The following CFAP20DC variants were observed in gnomAD, a reference collection of about 807,000 sequenced individuals.
The protein encoded by CFAP20DC is protein CFAP20DC.
A neutral mutation model predicts 101.7 loss-of-function variants in CFAP20DC; 84 were observed. That is an observed-to-expected ratio of 0.83 (90% confidence interval 0.69 to 0.99). CFAP20DC has a LOEUF of 0.99. Ranked by LOEUF, CFAP20DC falls within the 50% of genes least tolerant of loss-of-function variation. CFAP20DC has a pLI of 0.00. For missense variants in CFAP20DC, 1,007 were observed against 970.3 expected (o/e 1.04, Z -0.50); for synonymous variants, 359 against 351.2 (o/e 1.02, Z -0.25).
Position 58,759,683 on chromosome 3 carries a change from C to G in CFAP20DC, c.2238-5820G>C, listed in dbSNP as rs934448562. On this transcript the variant is annotated intron_variant, in intron 15 of 16. Coordinates refer to ENST00000482387, the MANE Select transcript of CFAP20DC (RefSeq NM_001394063.1). ...ATGGTTTTAGGTCTAACGTTTAAGT[C>G]TTTAACCCATCTTGAATTAATTTTT... 3.3e-5 allele frequency among the ~76,000 whole-genome samples: 5 copies of G among 152,190 alleles called. No homozygotes were observed. The East Asian group carries it at 9.6e-4, about 29-fold the overall frequency.
chr3:58,879,019 A>C (rs78751868), intron 7 of CFAP20DC, among the ~76,000 whole-genome samples: 5,265 of 152,014 alleles, frequency 0.035, 306 homozygotes, highest in African/African-American at 0.12. Context: ...GAAAAAAAAA[A>C]AAAACAAAAG....
chr3:58,935,509 C>T (rs1426135953), intron 5 of CFAP20DC, among the ~76,000 whole-genome samples: 2 of 151,944 alleles, frequency 1.3e-5, no homozygotes, highest in Admixed American at 6.5e-5. Flanking sequence ...TATCGCGCTA[C>T]CTGACTTCAA....
At chr3:58,779,785 A>G (rs1222231003) in intron 15 of CFAP20DC, among the ~76,000 whole-genome samples, 12 of 152,186 alleles carry the variant, frequency 7.9e-5, no homozygotes. Flanking sequence ...GGTTAGAAAA[A>G]TCTATTTAGC....
chr3:58,767,968 C>T (rs1377460468), intron 15 of CFAP20DC, among the ~76,000 whole-genome samples: 1 of 152,136 alleles, frequency 6.6e-6, no homozygotes, highest in Non-Finnish European at 1.5e-5. Flanking sequence ...ATCCATTTTC[C>T]TTTTACTTGT....
Position 58,970,525 on chromosome 3 carries a change from A to G in CFAP20DC, c.279-32763T>C, listed in dbSNP as rs537065541. The stretch of plus-strand genomic sequence containing the variant: ...CCCTCAGTGCCTCCAGAAGGAACCA[A>G]TCCTGCCGAAACCTTGATTTTGGAC... On this transcript the variant is annotated intron_variant, in intron 4 of 16. Transcript: ENST00000482387. The G allele has an allele frequency of 1.2e-4, 19 of 152,302 alleles. No individual in the cohort carries two copies. In the East Asian group the frequency reaches 1.7e-3, roughly 14 times the overall value. 9.4% of individuals were successfully genotyped at this position (152,302 alleles called of 1,614,324 possible). A position where few individuals can be genotyped will look rare whatever the true frequency, so the allele number is the denominator to read the frequency against.
intron 4 of CFAP20DC, among the ~76,000 whole-genome samples, chr3:58,973,103 C>T (rs1428993005): frequency 6.6e-6 from 1 of 152,092 alleles, no homozygotes; most frequent in East Asian, 1.9e-4. Context: ...AAATTCTTTT[C>T]CATGGGGATT....
chr3:58,810,403 G>C (rs573482627), intron 14 of CFAP20DC, among the ~76,000 whole-genome samples: 1 of 152,016 alleles, frequency 6.6e-6, no homozygotes, highest in Non-Finnish European at 1.5e-5. Flanking sequence ...TTCAATATAC[G>C]CAAATCAATA....
chr3:58,830,926 T>C (rs970242856), intron 14 of CFAP20DC, among the ~76,000 whole-genome samples: 12 of 152,198 alleles, frequency 7.9e-5, no homozygotes, highest in East Asian at 5.8e-4. Flanking sequence ...TCGACTGTTG[T>C]TTACGCTCTG....
chr3:58,743,769 A>T (rs2068011355), intron 16 of CFAP20DC, among the ~76,000 whole-genome samples: 1 of 152,228 alleles, frequency 6.6e-6, no homozygotes, highest in Non-Finnish European at 1.5e-5. Context: ...CCAAAATCAG[A>T]CCAAGCTGGT....
chr3:58,903,376 A>C (rs1409535636), intron 6 of CFAP20DC, among the ~76,000 whole-genome samples: 1 of 152,166 alleles, frequency 6.6e-6, no homozygotes, highest in Non-Finnish European at 1.5e-5. Flanking sequence ...GATATACAGA[A>C]TCATCTGTTG....
chr3:58,822,667 T>C (rs2075764821), intron 14 of CFAP20DC, among the ~76,000 whole-genome samples: 1 of 151,236 alleles, frequency 6.6e-6, no homozygotes, highest in Non-Finnish European at 1.5e-5. Flanking sequence ...AACAAAAAAG[T>C]AACCAATGGA....
chr3:58,889,141 T>A (rs1218869273), intron 6 of CFAP20DC, among the ~76,000 whole-genome samples: 1 of 152,236 alleles, frequency 6.6e-6, no homozygotes, highest in Non-Finnish European at 1.5e-5. Flanking sequence ...CAAAATCCAA[T>A]GTGAATTTTA....
chr3:58,751,353 C>T (rs1184017993), intron 16 of CFAP20DC, among the ~76,000 whole-genome samples: 1 of 152,168 alleles, frequency 6.6e-6, no homozygotes, highest in African/African-American at 2.4e-5. Flanking sequence ...TCTGGGAAGG[C>T]CTGTAAGAAG....
chr3:59,024,243 A>G (rs749870325), intron 4 of CFAP20DC, among the ~76,000 whole-genome samples: 1 of 152,122 alleles, frequency 6.6e-6, no homozygotes, highest in Non-Finnish European at 1.5e-5. Context: ...GGAAATTAAC[A>G]TTTACTGATC....
intron 15 of CFAP20DC, among the ~76,000 whole-genome samples, chr3:58,781,217 A>C (rs1024842616): frequency 3.9e-5 from 6 of 152,112 alleles, no homozygotes; most frequent in African/African-American, 9.6e-5. Context: ...TTACAGAGGA[A>C]ATAAAACATT....
chr3:58,869,439 C>G lies in CFAP20DC; in HGVS notation c.904G>C (p.Val302Leu), dbSNP rs201855129. Reference sequence around the variant, plus strand: ...TCTGTACCATTAACACACTTCTCTACAGTGGACGGCTGGCATGATCGGTTA... The same window carrying G: ...TCTGTACCATTAACACACTTCTCTAGAGTGGACGGCTGGCATGATCGGTTA... ...KNNRSCQPST[V>L]EKCVNGTEMS... is the part of the protein sequence containing the mutation. Residue 302 changes from valine to leucine, a missense_variant, in exon 9 of 17, where the codon GTA becomes CTA. Transcript: ENST00000482387. The surrounding 1 kb of genome is among the most constrained non-coding windows in gnomAD (Gnocchi z 4.3). The G allele has an allele frequency of 1.7e-4, 269 of 1,613,716 alleles. 5 individuals carry two copies. In the South Asian group the frequency reaches 2.8e-3, roughly 17 times the overall value.
At chr3:58,968,370 T>G (rs1215428056) in intron 4 of CFAP20DC, among the ~76,000 whole-genome samples, 1 of 152,146 alleles carries the variant, frequency 6.6e-6, no homozygotes, top group Non-Finnish European at 1.5e-5. Context: ...CTTGCCAGCA[T>G]GTTACTTTTT....
Position 58,969,778 on chromosome 3 carries a change from C to G in CFAP20DC, c.279-32016G>C, listed in dbSNP as rs187482129. On this transcript the variant is annotated intron_variant, in intron 4 of 16. Transcript: ENST00000482387. ...TATGCTAAGTGAAAGAAGCCAGACA[C>G]AAAAGACCACATATAGTATGGTTCC... Among the ~76,000 whole-genome samples, 17 of 152,196 alleles carry G rather than the reference C, an allele frequency of 1.1e-4. No individual in the cohort carries two copies. In the East Asian group the frequency reaches 3.3e-3, roughly 29 times the overall value.
At chr3:58,866,817 T>A in intron 10 of CFAP20DC, 129 bp from the exon 11 acceptor site, 1 of 556,902 alleles carries the variant, frequency 1.8e-6, no homozygotes, top group South Asian at 2.8e-5. Context: ...GGTAACAATA[T>A]GAATTACATG....
Sources: gnomAD v4.1 joint callset for allele counts (sites outside exome capture counted in the v4.1 genomes callset) on GRCh38, gnomAD v4.1.1 for gene constraint, Gnocchi (gnomAD v3.1) non-coding constraint, MANE v1.5 for transcripts, NCBI Gene and HGNC (gene_info 2026-07-23, HGNC 2026-07-21) for gene names.